The following PTPRG variants were observed in gnomAD, a reference collection of about 807,000 sequenced individuals.
The protein encoded by PTPRG is protein tyrosine phosphatase receptor type G.
A neutral mutation model predicts 165.3 loss-of-function variants in PTPRG; 102 were observed. The ratio of observed to expected loss-of-function variants is 0.62; its 90% CI spans 0.53 to 0.73. The LOEUF (loss-of-function observed/expected upper bound fraction) is 0.73, where lower values mean the gene tolerates loss of function less well. Among genes scored for constraint, PTPRG ranks in the 30% least tolerant of loss-of-function variants. The pLI is 0.00. For synonymous variants in PTPRG, 675 were observed against 669.5 expected, an observed-to-expected ratio of 1.01 and a Z score of -0.13; for missense variants, 1,866 against 1,861.4, an observed-to-expected ratio of 1.00 and a Z score of -0.05.
intron 4 of PTPRG, among the ~76,000 whole-genome samples, chr3:62,058,342 A>T (rs1433371991): frequency 1.9e-4 from 28 of 151,250 alleles, no homozygotes; most frequent in Non-Finnish European, 2.1e-4. Flanking sequence ...TATTATTATT[A>T]TTATTTTTTT....
intron 6 of PTPRG, among the ~76,000 whole-genome samples, chr3:62,139,742 G>C (rs1703851408): frequency 6.6e-6 from 1 of 152,200 alleles, no homozygotes; most frequent in African/African-American, 2.4e-5. Flanking sequence ...CATGTGACTA[G>C]TTTGTTCACT....
At chr3:61,736,568 C>T (rs947464123) in intron 1 of PTPRG, among the ~76,000 whole-genome samples, 1 of 151,942 alleles carries the variant, frequency 6.6e-6, no homozygotes, top group Non-Finnish European at 1.5e-5. Flanking sequence ...TCTAAAAACA[C>T]GTTCATTAGG....
chr3:61,916,021 A>T (rs2038927306), intron 2 of PTPRG, among the ~76,000 whole-genome samples: 1 of 152,222 alleles, frequency 6.6e-6, no homozygotes, highest in South Asian at 2.1e-4. Flanking sequence ...ACTGCTTTTA[A>T]TTCTTATGCA....
chr3:61,988,971 A>G (rs922652695), intron 2 of PTPRG, among the ~76,000 whole-genome samples: 7 of 152,154 alleles, frequency 4.6e-5, no homozygotes, highest in Admixed American at 1.3e-4. Context: ...CTTTATTTAT[A>G]TGAGTACAGA....
At chr3:62,249,321 G>C (rs1031415380) in intron 15 of PTPRG, among the ~76,000 whole-genome samples, 1 of 152,144 alleles carries the variant, frequency 6.6e-6, no homozygotes, top group East Asian at 1.9e-4. Context: ...GGGGCAGGGG[G>C]CTGAATTCCT....
At chr3:61,981,886 C>A (rs1301095075) in intron 2 of PTPRG, among the ~76,000 whole-genome samples, 1 of 152,226 alleles carries the variant, frequency 6.6e-6, no homozygotes, top group African/African-American at 2.4e-5. Context: ...CGTGACATGA[C>A]TGTCCCCCTA....
chr3:62,117,704 T>C lies in PTPRG; in HGVS notation c.616-14898T>C, dbSNP rs146859815. On this transcript the variant is annotated intron_variant, in intron 5 of 29. Transcript: ENST00000474889. ...AACTTGTAGTCTGGTTAACATAGTA[T>C]TAATACTATATCTACTAATATCACA... is the stretch of plus-strand genomic sequence containing the variant. 1.5e-3 allele frequency among the ~76,000 whole-genome samples: 227 copies of C among 152,342 alleles called. 3 individuals are homozygous for C. Among genetic ancestry groups the C allele is most frequent in the South Asian group, 0.011 (55 of 4,826 alleles).
intron 2 of PTPRG, among the ~76,000 whole-genome samples, chr3:61,927,227 C>T (rs1479957847): frequency 6.6e-6 from 1 of 152,190 alleles, no homozygotes; most frequent in African/African-American, 2.4e-5. Flanking sequence ...TATATATTCT[C>T]CACAAAACAC....
chr3:61,823,865 G>A (rs1285353503), intron 2 of PTPRG, among the ~76,000 whole-genome samples: 2 of 152,138 alleles, frequency 1.3e-5, no homozygotes, highest in African/African-American at 4.8e-5. Context: ...AGTGGCTCAC[G>A]CCTGTAATCC....
intron 4 of PTPRG, among the ~76,000 whole-genome samples, chr3:62,037,227 A>G (rs1009871077): frequency 6.6e-6 from 1 of 152,184 alleles, no homozygotes; most frequent in African/African-American, 2.4e-5. Flanking sequence ...CATAGGTCAT[A>G]TAAGGATACA....
Position 61,774,370 on chromosome 3 carries a change from G to T in PTPRG, c.190+25388G>T, listed in dbSNP as rs594715. Among the ~76,000 whole-genome samples, 9 of 152,186 alleles carry T rather than the reference G, an allele frequency of 5.9e-5. No individual in the cohort carries two copies. In the East Asian group the frequency reaches 1.6e-3, roughly 26 times the overall value. On this transcript the variant is annotated intron_variant, in intron 2 of 29. Coordinates refer to ENST00000474889, the MANE Select transcript of PTPRG (RefSeq NM_002841.4). ...TTTGCAGACGATTGCATGAATATAA[G>T]TACCCCATTTGGAGTTTGCTTGCTG... is the stretch of plus-strand genomic sequence containing the variant.
intron 2 of PTPRG, among the ~76,000 whole-genome samples, chr3:61,806,738 A>T (rs2035430471): frequency 6.6e-6 from 1 of 152,238 alleles, no homozygotes; most frequent in South Asian, 2.1e-4. Context: ...TATTCTTTAA[A>T]TACTGAAATA....
At chr3:61,764,371 A>T (rs1360053572) in intron 2 of PTPRG, among the ~76,000 whole-genome samples, 3 of 152,208 alleles carry the variant, frequency 2.0e-5, no homozygotes, top group Non-Finnish European at 4.4e-5. Context: ...AGCACAAGCC[A>T]GGTGGCAAAC....
At chr3:62,113,108 T>C (rs888527393) in intron 5 of PTPRG, among the ~76,000 whole-genome samples, 2 of 152,212 alleles carry the variant, frequency 1.3e-5, no homozygotes, top group African/African-American at 4.8e-5. Context: ...CAACATCTTC[T>C]TGTGCTCCTT....
At chr3:61,920,197 T>A (rs1329626163) in intron 2 of PTPRG, among the ~76,000 whole-genome samples, 1 of 152,128 alleles carries the variant, frequency 6.6e-6, no homozygotes, top group Non-Finnish European at 1.5e-5. Context: ...CTCCCCTACT[T>A]AATACCAACC....
chr3:61,974,494 A>G (rs942928635), intron 2 of PTPRG, among the ~76,000 whole-genome samples: 4 of 152,150 alleles, frequency 2.6e-5, no homozygotes, highest in Non-Finnish European at 4.4e-5. Context: ...CAGAGGTTGC[A>G]GTGAGCCAAG....
rs569719890 is a variant in PTPRG, at chr3:61,963,016, C to T, written c.191-26609C>T. Among the ~76,000 whole-genome samples, 7 of 152,098 alleles carry T rather than the reference C, an allele frequency of 4.6e-5. No individual in the cohort carries two copies. In the Middle Eastern group the frequency reaches 0.01, roughly 222 times the overall value. On this transcript the variant is annotated intron_variant, in intron 2 of 29. Coordinates refer to ENST00000474889, the MANE Select transcript of PTPRG (RefSeq NM_002841.4). ...CACCATGTTGGTGAATTCTATATTC[C>T]GTCCCCACCCTATCCTCCCACAGGT...
intron 2 of PTPRG, among the ~76,000 whole-genome samples, chr3:61,851,147 C>G (rs886872232): frequency 6.6e-6 from 1 of 152,268 alleles, no homozygotes; most frequent in Non-Finnish European, 1.5e-5. Context: ...GTCAGTGTTG[C>G]AAACAACTGA....
chr3:61,632,704 C>T (rs1455987747), intron 1 of PTPRG, among the ~76,000 whole-genome samples: 1 of 152,160 alleles, frequency 6.6e-6, no homozygotes, highest in African/African-American at 2.4e-5. Context: ...AAGGGCCACC[C>T]AGCAAGTGAT....
Sources: gnomAD v4.1 joint callset for allele counts (sites outside exome capture counted in the v4.1 genomes callset) on GRCh38, gnomAD v4.1.1 for gene constraint, MANE v1.5 for transcripts, NCBI Gene and HGNC (gene_info 2026-07-23, HGNC 2026-07-21) for gene names.